Variants in RRP15 observed in about 807,000 individuals in gnomAD.
The protein encoded by RRP15 is RRP15-like protein.
In RRP15, 18 loss-of-function variants were observed where a neutral mutation model predicts 27.1. The ratio of observed to expected loss-of-function variants is 0.66; its 90% confidence interval spans 0.46 to 0.98. The LOEUF (loss-of-function observed/expected upper bound fraction) is 0.98. Ranked by LOEUF, RRP15 falls within the 50% of genes least tolerant of loss-of-function variation. The pLI is 0.00. For missense variants in RRP15, 359 were observed against 337.8 expected, an observed-to-expected ratio of 1.06 and a Z score of -0.49; for synonymous variants, 107 against 109.4, an observed-to-expected ratio of 0.98 and a Z score of 0.14.
chr1:218,302,373 C>T lies in RRP15; in HGVS notation c.219C>T (p.Pro73=), dbSNP rs771360564. Residue 73 remains proline (P), a synonymous_variant, in exon 2 of 5, where the codon CCC becomes CCT. Coordinates refer to ENST00000366932, the MANE Select transcript of RRP15 (RefSeq NM_016052.4). ...CTGACAGTGAGGGTGATGCTGAGCC[C>T]TGTGACAAAGAAAATGAAAATGATG... ...IEADSEGDAE[P]CDKENENDGE... is the part of the protein sequence containing the mutation. The T allele has an allele frequency of 1.2e-6, 2 of 1,613,982 alleles. No homozygotes were observed. The highest frequency in any genetic ancestry group is 8.5e-7 in the Non-Finnish European group (1 of 1,179,986).
intron 1 of RRP15, among the ~76,000 whole-genome samples, chr1:218,286,331 A>T (rs2102488184): frequency 6.6e-6 from 1 of 152,276 alleles, no homozygotes; most frequent in Non-Finnish European, 1.5e-5. Flanking sequence ...TAATCATGCC[A>T]TACCGGTATG....
At chr1:218,314,038 A>G (rs1195063958) in intron 4 of RRP15, among the ~76,000 whole-genome samples, 1 of 150,850 alleles carries the variant, frequency 6.6e-6, no homozygotes, top group Admixed American at 6.6e-5. Flanking sequence ...TTATTTTTAA[A>G]GAGATGGAAT....
At chr1:218,302,606 A>G (rs778629568) in intron 2 of RRP15, 47 bp downstream of exon 2, 3 of 1,580,276 alleles carry the variant, frequency 1.9e-6, no homozygotes, top group Non-Finnish European at 2.6e-6. Context: ...TGTCTAGGCT[A>G]GCTCTTATCT....
rs1312207643 is a variant in RRP15 at position 218,334,504 on chromosome 1, T to TTTA, written c.*3414_*3416dup. On this transcript the variant is annotated 3_prime_UTR_variant, in exon 5 of 5. Coordinates refer to ENST00000366932, the MANE Select transcript of RRP15 (RefSeq NM_016052.4). ...CCATTAATGTGCTAACTTGAAGGAA[T>TTTA]TTAACTTCAAGGAAAGTTGACTGAT... 6.6e-6 allele frequency: 1 copy of TTTA among 152,220 alleles called. No individual in the cohort carries two copies. The highest frequency in any genetic ancestry group is 2.4e-5 in the African/African-American group (1 of 41,462). 9.4% of individuals were successfully genotyped at this position (152,220 alleles called of 1,614,324 possible). A position where few individuals can be genotyped will look rare whatever the true frequency, so the allele number is the denominator to read the frequency against.
intron 1 of RRP15, among the ~76,000 whole-genome samples, chr1:218,299,559 G>A (rs986754690): frequency 1.3e-5 from 2 of 152,116 alleles, no homozygotes; most frequent in East Asian, 3.9e-4. Context: ...GGCAATTTGT[G>A]TGTGAATACA....
At chr1:218,326,389 G>A (rs1306466320) in intron 4 of RRP15, among the ~76,000 whole-genome samples, 5 of 152,192 alleles carry the variant, frequency 3.3e-5, no homozygotes, top group Admixed American at 1.3e-4. Context: ...CTTTGAGGAT[G>A]TTGATGATAT....
intron 1 of RRP15, among the ~76,000 whole-genome samples, chr1:218,290,429 T>C (rs781627702): frequency 3.9e-5 from 6 of 152,136 alleles, no homozygotes; most frequent in Admixed American, 6.5e-5. Flanking sequence ...CCTTGTCTTA[T>C]GTGGATTTTT....
At chr1:218,299,374 G>A (rs929082587) in intron 1 of RRP15, among the ~76,000 whole-genome samples, 7 of 151,998 alleles carry the variant, frequency 4.6e-5, no homozygotes, top group African/African-American at 1.4e-4. Flanking sequence ...AACTTTTCAT[G>A]GATTTATTGT....
Position 218,305,019 on chromosome 1 carries a change from A to G in RRP15, c.406-9A>G, listed in dbSNP as rs749852323. 1 of 1,610,364 alleles carries G rather than the reference A, an allele frequency of 6.2e-7. No homozygotes were observed. The highest frequency in any genetic ancestry group is 8.5e-7 in the Non-Finnish European group (1 of 1,176,884). On this transcript the variant is annotated splice_polypyrimidine_tract_variant and intron_variant, in intron 2 of 4. Coordinates refer to ENST00000366932, the MANE Select transcript of RRP15 (RefSeq NM_016052.4). ...AATATTCTTTCACATAACAATATTT[A>G]TAACGCAGCGTGATAAGAGGCTGGA...
intron 1 of RRP15, chr1:218,301,114 T>C (rs1265822183): frequency 6.6e-6 from 1 of 152,206 alleles, no homozygotes; most frequent in Non-Finnish European, 1.5e-5. Context: ...TAATAATCTT[T>C]TGAGATTCAA....
chr1:218,329,092 G>GT (rs1656323412), intron 4 of RRP15, among the ~76,000 whole-genome samples: 1 of 151,884 alleles, frequency 6.6e-6, no homozygotes, highest in Admixed American at 6.6e-5. Flanking sequence ...GTGAACATCA[G>GT]TTTTTTATTT....
intron 1 of RRP15, among the ~76,000 whole-genome samples, chr1:218,295,038 ATTGAC>A (rs1655699149): frequency 6.6e-6 from 1 of 152,194 alleles, no homozygotes; most frequent in Non-Finnish European, 1.5e-5. Context: ...ACTCAAATTT[ATTGAC>A]TTGATACCTT....
At chr1:218,329,237 CAAAAAAAAAAAAAAAAAAAA>C (rs1164512474) in intron 4 of RRP15, among the ~76,000 whole-genome samples, 2 of 53,576 alleles carry the variant, frequency 3.7e-5, no homozygotes, top group East Asian at 8.4e-4. Context: ...CCTGTCTCTA[CAAAAAAAAAAAAAAAAAAAA>C]AAAAAAAAAA....
At chr1:218,287,092 G>A (rs1324196842) in intron 1 of RRP15, among the ~76,000 whole-genome samples, 1 of 150,008 alleles carries the variant, frequency 6.7e-6, no homozygotes, top group Non-Finnish European at 1.5e-5. Context: ...GCTTCCCCAG[G>A]TAGCTAGGAC....
At chr1:218,330,211 A>G (rs1416461068) in intron 4 of RRP15, among the ~76,000 whole-genome samples, 2 of 152,200 alleles carry the variant, frequency 1.3e-5, no homozygotes, top group Non-Finnish European at 2.9e-5. Context: ...CATCTATTGT[A>G]TTACTTAATT....
chr1:218,289,349 C>T (rs988107970), intron 1 of RRP15, among the ~76,000 whole-genome samples: 1 of 152,178 alleles, frequency 6.6e-6, no homozygotes, highest in African/African-American at 2.4e-5. Context: ...CATATTGCTT[C>T]CTAGTAGAAA....
chr1:218,307,383 C>A, intron 3 of RRP15, 48 bp from the exon 4 acceptor site: 2 of 1,496,666 alleles, frequency 1.3e-6, no homozygotes, highest in Non-Finnish European at 1.8e-6. Flanking sequence ...AGTTTGTATT[C>A]TAGGGTAATT....
chr1:218,319,674 T>C (rs1172774854), intron 4 of RRP15, among the ~76,000 whole-genome samples: 2 of 152,226 alleles, frequency 1.3e-5, no homozygotes, highest in Non-Finnish European at 2.9e-5. Context: ...AGATTTATAG[T>C]GTGCATATTC....
chr1:218,311,114 A>G (rs1411917616), intron 4 of RRP15, among the ~76,000 whole-genome samples: 3 of 152,218 alleles, frequency 2.0e-5, no homozygotes, highest in Non-Finnish European at 4.4e-5. Flanking sequence ...ATAGGAGCAC[A>G]GTATGAAAAC....
Sources: gnomAD v4.1 joint callset for allele counts (sites outside exome capture counted in the v4.1 genomes callset) on GRCh38, gnomAD v4.1.1 for gene constraint, MANE v1.5 for transcripts, NCBI Gene and HGNC (gene_info 2026-07-23, HGNC 2026-07-21) for gene names.